FN1: variants seen among roughly 807,000 people sequenced by gnomAD.
FN1 encodes the protein fibronectin 1.
A neutral mutation model predicts 297.3 loss-of-function variants in FN1; 106 were observed. The ratio of observed to expected loss-of-function variants is 0.36; its 90% CI spans 0.30 to 0.42. The LOEUF is 0.42. Ranked by LOEUF, FN1 falls within the 10% of genes least tolerant of loss-of-function variation. The pLI is 1.00. For synonymous variants in FN1, 1,149 were observed against 1,152.6 expected (o/e 1.00, Z 0.06); for missense variants, 2,690 against 3,124.9 (o/e 0.86, Z 3.32).
At chr2:215,405,515 G>A (rs954292324) in intron 19 of FN1, among the ~76,000 whole-genome samples, 1 of 152,134 alleles carries the variant, frequency 6.6e-6, no homozygotes, top group African/African-American at 2.4e-5. Context: ...AGGCCAAAGT[G>A]GGTGGATCAC....
chr2:215,417,023 A>T (rs1182272106), intron 12 of FN1, among the ~76,000 whole-genome samples: 1 of 152,250 alleles, frequency 6.6e-6, no homozygotes, highest in African/African-American at 2.4e-5. Context: ...ACTTTGTGTC[A>T]GTTATTTCTT....
chr2:215,397,400 CTTCT>C (rs1317034514), intron 22 of FN1, among the ~76,000 whole-genome samples, 177 bp from the exon 23 acceptor site: 2 of 125,016 alleles, frequency 1.6e-5, no homozygotes, highest in Non-Finnish European at 3.3e-5. Flanking sequence ...CTGACAAAGA[CTTCT>C]TTATGATTAA....
intron 37 of FN1, 114 bp downstream of exon 37, chr2:215,375,515 C>T: frequency 1.6e-6 from 2 of 1,266,550 alleles, no homozygotes. Flanking sequence ...AAACCGGAAA[C>T]AAGATTCTCT....
chr2:215,394,767 C>T (rs981005338), intron 23 of FN1, 48 bp from the exon 24 acceptor site: 31 of 1,445,986 alleles, frequency 2.1e-5, no homozygotes, highest in Middle Eastern at 1.9e-4. Context: ...ATCTGTGAGC[C>T]AGAGCATATT....
chr2:215,373,857 T>C (rs1423234304), intron 38 of FN1, among the ~76,000 whole-genome samples: 2 of 151,964 alleles, frequency 1.3e-5, no homozygotes, highest in African/African-American at 4.8e-5. Context: ...TTTGTTTTTG[T>C]ATTTTTAGTA....
chr2:215,397,070 A>G, intron 23 of FN1, 67 bp downstream of exon 23: 1 of 1,008,022 alleles, frequency 9.9e-7, no homozygotes. Context: ...AAAGAAACAC[A>G]GTTTCTAAAA....
In FN1 at chr2:215,426,261, G is replaced by T. The variant is rs552569604; in HGVS notation, c.845-976C>A. ...CCTCCCGGGTTCACGCCATTCTCCT[G>T]CCTCAGCCTCCCGAGTAGCTGGGAC... On this transcript the variant is annotated intron_variant, in intron 6 of 45. Transcript: ENST00000354785. 1.6e-4 allele frequency among the ~76,000 whole-genome samples: 23 copies of T among 143,110 alleles called. No individual in the cohort carries two copies. In the East Asian group the frequency reaches 4.2e-3, roughly 26 times the overall value. 93.9% of individuals were successfully genotyped at this position (143,110 alleles called of 152,430 possible).
chr2:215,412,760 C>T (rs1285679426), intron 13 of FN1, among the ~76,000 whole-genome samples: 52 of 97,552 alleles, frequency 5.3e-4, no homozygotes, highest in African/African-American at 7.7e-4. Context: ...TATTAAGTAT[C>T]TTTTTTTTTT....
chr2:215,431,410 AT>A (rs1160060991), intron 4 of FN1, among the ~76,000 whole-genome samples: 1 of 152,210 alleles, frequency 6.6e-6, no homozygotes, highest in Non-Finnish European at 1.5e-5. Flanking sequence ...ACAACTTTTA[AT>A]TTGAAAAGAA....
rs2060076148 is a variant in FN1, at chr2:215,394,516, T to G, written c.3796+12A>C. ...GTGTCACTCTCAGGATAGCAGCTTATTTTTCTATTACCTGGGATGATGGTA... is the reference window on the plus strand; with the variant it reads ...GTGTCACTCTCAGGATAGCAGCTTAGTTTTCTATTACCTGGGATGATGGTA... On this transcript the variant is annotated intron_variant, in intron 24 of 45. Coordinates refer to ENST00000354785, the MANE Select transcript of FN1 (RefSeq NM_212482.4). 4.4e-6 allele frequency: 7 copies of G among 1,608,120 alleles called. No homozygotes were observed. The highest frequency in any genetic ancestry group is 6.0e-6 in the Non-Finnish European group (7 of 1,175,040).
In FN1 at chr2:215,378,203, T is replaced by G. The variant is rs1271180674; in HGVS notation, c.5682A>C (p.Pro1894=). 1 of 1,611,466 alleles carries G rather than the reference T, an allele frequency of 6.2e-7. No homozygotes were observed. The highest frequency in any genetic ancestry group is 8.5e-7 in the Non-Finnish European group (1 of 1,177,776). The change falls in exon 35 of 46, where the codon CCA becomes CCC. Residue 1894 remains proline (P), a synonymous_variant. Transcript: ENST00000354785. ...CCAGAGTGGTGACAACTCCCTGAGCTGGTCTGCTTGTCAAAGTGTCCTTAA... is the reference window on the plus strand; with the variant it reads ...CCAGAGTGGTGACAACTCCCTGAGCGGGTCTGCTTGTCAAAGTGTCCTTAA... ...YALKDTLTSR[P]AQGVVTTLEN... is the part of the protein sequence containing the mutation.
In FN1 at chr2:215,406,097, C is replaced by CA. The variant is rs2061738259; in HGVS notation, c.2986+140dup. On this transcript the variant is annotated intron_variant, in intron 19 of 45. Coordinates refer to ENST00000354785, the MANE Select transcript of FN1 (RefSeq NM_212482.4). The stretch of plus-strand genomic sequence containing the variant: ...TTTCAAGTTTAATGTGCTTTGTGTT[C>CA]ACTATGCATTCCCTTGCCGGCTGGG... The CA allele has an allele frequency of 3.6e-6, 3 of 839,178 alleles. No individual in the cohort carries two copies. In the South Asian group the frequency reaches 4.3e-5, roughly 12 times the overall value. The allele number at this position is 839,178 out of a possible 1,614,324, so 52.0% of individuals were successfully genotyped here.
intron 11 of FN1, among the ~76,000 whole-genome samples, chr2:215,419,772 C>G (rs981244108): frequency 6.6e-6 from 1 of 152,162 alleles, no homozygotes; most frequent in African/African-American, 2.4e-5. Context: ...ATTTTCCTTA[C>G]TTCTTCAAAA....
chr2:215,433,478 A>G lies in FN1; in HGVS notation c.278-17T>C. The G allele has an allele frequency of 6.2e-7, 1 of 1,611,998 alleles. No homozygotes were observed. The highest frequency in any genetic ancestry group is 8.5e-7 in the Non-Finnish European group (1 of 1,178,776). On this transcript the variant is annotated splice_polypyrimidine_tract_variant and intron_variant, in intron 2 of 45. Coordinates refer to ENST00000354785, the MANE Select transcript of FN1 (RefSeq NM_212482.4). The stretch of plus-strand genomic sequence containing the variant: ...TCTCTTCAGCTGAGGGGAAAAGGAA[A>G]GTCCATGTGAGCCTCACTTAGGTAC...
At position 215,361,436 on chromosome 2, in the gene FN1, TC is replaced by T. The variant is rs2053415495; in HGVS notation, c.*118del. The T allele has an allele frequency of 3.7e-6, 3 of 821,694 alleles. No individual in the cohort carries two copies. In the East Asian group the frequency reaches 7.3e-5, roughly 20 times the overall value. The allele number at this position is 821,694 out of a possible 1,614,324, so 50.9% of individuals were successfully genotyped here. On this transcript the variant is annotated 3_prime_UTR_variant, in exon 46 of 46. Transcript: ENST00000354785. ...GTTGAGCTGAAGCTGGAGAACTTCC[TC>T]CAGAGCAAAGGGCTTAAGAAAGAAA... is the stretch of plus-strand genomic sequence containing the variant.
intron 30 of FN1, among the ~76,000 whole-genome samples, chr2:215,383,701 T>G (rs1017035040): frequency 6.6e-6 from 1 of 152,232 alleles, no homozygotes; most frequent in Non-Finnish European, 1.5e-5. Flanking sequence ...ACAAAGAAGC[T>G]ACATTCCACA....
At chr2:215,434,511 C>T (rs1301150970) in intron 2 of FN1, among the ~76,000 whole-genome samples, 185 bp downstream of exon 2, 4 of 152,158 alleles carry the variant, frequency 2.6e-5, no homozygotes, top group East Asian at 1.9e-4. Flanking sequence ...GGGAAAGATT[C>T]GTTTCTTTGT....
chr2:215,399,530 T>G (rs2060737427), intron 20 of FN1, among the ~76,000 whole-genome samples, 179 bp from the exon 21 acceptor site: 1 of 152,210 alleles, frequency 6.6e-6, no homozygotes, highest in Non-Finnish European at 1.5e-5. Flanking sequence ...ATCTTTAATG[T>G]GCCACACACA....
chr2:215,397,919 T>A (rs2060499743), intron 21 of FN1, 71 bp from the exon 22 acceptor site: 2 of 1,329,608 alleles, frequency 1.5e-6, no homozygotes, highest in Non-Finnish European at 1.1e-6. Flanking sequence ...TGTGAGGCTA[T>A]GATTATGCTT....
Sources: allele counts gnomAD v4.1 joint callset (sites outside exome capture counted in the v4.1 genomes callset), GRCh38; gene constraint gnomAD v4.1.1; transcripts MANE v1.5; gene names NCBI Gene and HGNC (gene_info 2026-07-23, HGNC 2026-07-21).